The following NT5M variants were observed in gnomAD, a reference collection of about 807,000 sequenced individuals.
The protein encoded by NT5M is 5',3'-nucleotidase, mitochondrial, also known as 5'(3')-deoxyribonucleotidase, mitochondrial.
In NT5M, 22 loss-of-function variants were observed where a neutral mutation model predicts 22.2. The observed-to-expected ratio is 0.99, with a 90% CI of 0.71 to 1.41. NT5M has a LOEUF of 1.41. Ranked by LOEUF, NT5M falls within the 40% of genes most tolerant of loss-of-function variation. The pLI is 0.00. For missense variants in NT5M, 322 were observed against 314.8 expected, an observed-to-expected ratio of 1.02 and a Z score of -0.17; for synonymous variants, 167 against 133.0, an observed-to-expected ratio of 1.26 and a Z score of -1.76.
At chr17:17,309,127 CTTTT>C (rs35861887) in intron 2 of NT5M, among the ~76,000 whole-genome samples, 1 of 140,444 alleles carries the variant, frequency 7.1e-6, no homozygotes, top group Non-Finnish European at 1.5e-5. Context: ...TTCTTTCTTT[CTTTT>C]TTTTTTTTTT....
intron 3 of NT5M, among the ~76,000 whole-genome samples, chr17:17,325,414 G>A (rs963631944): frequency 1.3e-5 from 2 of 152,090 alleles, no homozygotes; most frequent in Non-Finnish European, 2.9e-5. Context: ...GAAATCAGGG[G>A]CCGTGCTGAT....
intron 3 of NT5M, among the ~76,000 whole-genome samples, chr17:17,339,032 T>C (rs150353068): frequency 0.035 from 5,386 of 152,264 alleles, 124 homozygotes; most frequent in Middle Eastern, 0.061. Flanking sequence ...TGGCCTGTCA[T>C]TGGTATTTTA....
chr17:17,324,958 G>A (rs1228939489), intron 3 of NT5M, among the ~76,000 whole-genome samples: 1 of 152,222 alleles, frequency 6.6e-6, no homozygotes, highest in African/African-American at 2.4e-5. Flanking sequence ...CAGGCCCACT[G>A]TTTCAGGTCG....
At chr17:17,316,694 TTTTG>T (rs2049035768) in intron 2 of NT5M, among the ~76,000 whole-genome samples, 2 of 25,822 alleles carry the variant, frequency 7.7e-5, no homozygotes, top group South Asian at 2.3e-3. Context: ...GGGTTTTGTT[TTTTG>T]TTTTGTTTTG....
intron 3 of NT5M, among the ~76,000 whole-genome samples, chr17:17,328,944 C>T (rs535988279): frequency 1.1e-4 from 17 of 152,138 alleles, no homozygotes; most frequent in African/African-American, 3.9e-4. Context: ...ATCCATTTAG[C>T]CTTCATAGTA....
chr17:17,303,393 G>C lies in NT5M; in HGVS notation c.-158G>C, dbSNP rs560387395. Reference sequence around the variant, plus strand: ...GCCTCGCTCTGGGGCCGGTACTTGCGCGCCCGCACCCCGCGCTCCCCGCCC... The same window carrying C: ...GCCTCGCTCTGGGGCCGGTACTTGCCCGCCCGCACCCCGCGCTCCCCGCCC... On this transcript the variant is annotated 5_prime_UTR_variant, in exon 1 of 5. Transcript: ENST00000389022. The C allele has an allele frequency of 1.2e-5, 11 of 895,150 alleles. No homozygotes were observed. The African/African-American group carries it at 2.0e-4, about 16-fold the overall frequency. 55.5% of individuals were successfully genotyped at this position (895,150 alleles called of 1,614,324 possible). A position where few individuals can be genotyped will look rare whatever the true frequency, so the allele number is the denominator to read the frequency against.
chr17:17,346,920 C>T lies in NT5M; in HGVS notation c.660C>T (p.Ala220=), dbSNP rs2049773759. 6.2e-7 allele frequency: 1 copy of T among 1,611,478 alleles called. No homozygotes were observed. Among genetic ancestry groups the T allele is most frequent in the African/African-American group, 1.3e-5 (1 of 75,060 alleles). The change falls in exon 5 of 5, where the codon GCC becomes GCT. Residue 220 remains alanine, a synonymous_variant. Coordinates refer to ENST00000389022, the MANE Select transcript of NT5M (RefSeq NM_020201.4). ...RLHSWADDWK[A]ILDSKRPC ...ACTCGTGGGCGGACGACTGGAAGGC[C>T]ATTCTGGACAGCAAGCGGCCCTGCT... is the stretch of plus-strand genomic sequence containing the variant.
At chr17:17,309,857 C>G (rs2048888870) in intron 2 of NT5M, among the ~76,000 whole-genome samples, 1 of 148,856 alleles carries the variant, frequency 6.7e-6, no homozygotes, top group Non-Finnish European at 1.5e-5. Context: ...CGGAGTCTCA[C>G]TCTTTTGCCC....
intron 2 of NT5M, among the ~76,000 whole-genome samples, chr17:17,321,123 T>G (rs2049142996): frequency 6.6e-6 from 1 of 151,288 alleles, no homozygotes; most frequent in African/African-American, 2.4e-5. Context: ...CAGCACACGT[T>G]TGAATGAGGA....
At chr17:17,341,893 T>C (rs1436037562) in intron 3 of NT5M, among the ~76,000 whole-genome samples, 3 of 152,054 alleles carry the variant, frequency 2.0e-5, no homozygotes, top group African/African-American at 7.2e-5. Flanking sequence ...TAGCCAGGCA[T>C]GGTGGCAGGC....
chr17:17,317,137 C>T (rs1303810012), intron 2 of NT5M, among the ~76,000 whole-genome samples: 3 of 151,086 alleles, frequency 2.0e-5, no homozygotes, highest in South Asian at 2.1e-4. Context: ...GCAAGCTCTG[C>T]CTCCTGGGTT....
Position 17,317,494 on chromosome 17 carries a change from G to A in NT5M, c.369-5691G>A, listed in dbSNP as rs368245238. 2.0e-5 allele frequency among the ~76,000 whole-genome samples: 3 copies of A among 152,208 alleles called. No individual in the cohort carries two copies. The East Asian group carries it at 5.8e-4, about 29-fold the overall frequency. ...TCAAAACCACAAGGAGGAGCTGGGTGAGTGGCGCTCACCTGTGCTCCCAGC... is the reference window on the plus strand; with the variant it reads ...TCAAAACCACAAGGAGGAGCTGGGTAAGTGGCGCTCACCTGTGCTCCCAGC... On this transcript the variant is annotated intron_variant, in intron 2 of 4. Coordinates refer to ENST00000389022, the MANE Select transcript of NT5M (RefSeq NM_020201.4).
chr17:17,313,005 C>G (rs1336065164), intron 2 of NT5M, among the ~76,000 whole-genome samples: 1 of 152,088 alleles, frequency 6.6e-6, no homozygotes, highest in Admixed American at 6.5e-5. Flanking sequence ...GGTGCTGGCT[C>G]ACACCTGTAA....
In NT5M at chr17:17,347,348, C is replaced by A. The variant is rs2049781990; in HGVS notation, c.*401C>A. On this transcript the variant is annotated 3_prime_UTR_variant, in exon 5 of 5. Transcript: ENST00000389022. ...AGTCTGCAGCCATCAGCAAGGAGGA[C>A]CAGGAACCCGGCGACTGAGGTGCTT... is the stretch of plus-strand genomic sequence containing the variant. The A allele has an allele frequency of 1.1e-5, 2 of 187,014 alleles. No individual in the cohort carries two copies. Among genetic ancestry groups the A allele is most frequent in the East Asian group, 3.3e-4 (2 of 6,118 alleles). The allele number at this position is 187,014 out of a possible 1,614,324, so 11.6% of individuals were successfully genotyped here. A position where few individuals can be genotyped will look rare whatever the true frequency, so the allele number is the denominator to read the frequency against.
In NT5M at chr17:17,340,855, T is replaced by C. The variant is rs142228529; in HGVS notation, c.430-3939T>C. ...TGTTTTTCTGTTTCTTTAGGATGCA[T>C]CATTAAGTTGTTTACTTGAAGTTTT... On this transcript the variant is annotated intron_variant, in intron 3 of 4. Transcript: ENST00000389022. 7.5e-3 allele frequency among the ~76,000 whole-genome samples: 1,147 copies of C among 152,264 alleles called. 11 individuals carry two copies. Among genetic ancestry groups the C allele is most frequent in the African/African-American group, 0.026 (1,063 of 41,572 alleles).
intron 2 of NT5M, among the ~76,000 whole-genome samples, chr17:17,315,168 C>T (rs1297250967): frequency 6.6e-6 from 1 of 152,146 alleles, no homozygotes; most frequent in African/African-American, 2.4e-5. Flanking sequence ...GAGGAAACCA[C>T]TCATTTAGAA....
rs1017700630 is a variant in NT5M, at chr17:17,346,878, C to T, written c.618C>T (p.Pro206=). ...ACHNQHLQLQ[P]PRRRLHSWAD... ...ACAACCAGCACCTGCAGCTGCAGCC[C>T]CCCCGCCGCAGGCTGCACTCGTGGG... Residue 206 remains proline, a synonymous_variant, in exon 5 of 5, where the codon CCC becomes CCT. Transcript: ENST00000389022. The T allele has an allele frequency of 6.2e-7, 1 of 1,609,548 alleles. No individual in the cohort carries two copies. The highest frequency in any genetic ancestry group is 1.1e-5 in the South Asian group (1 of 91,072).
At chr17:17,341,798 C>T (rs1055644693) in intron 3 of NT5M, among the ~76,000 whole-genome samples, 5 of 152,112 alleles carry the variant, frequency 3.3e-5, no homozygotes, top group East Asian at 1.9e-4. Flanking sequence ...TGGGAGGCCA[C>T]GGTGGGCGGA....
At chr17:17,330,747 T>TC (rs1483924148) in intron 3 of NT5M, among the ~76,000 whole-genome samples, 2 of 147,780 alleles carry the variant, frequency 1.4e-5, no homozygotes, top group Non-Finnish European at 3.0e-5. Context: ...TCTTTCTTTT[T>TC]TTTTTTTTTT....
Sources: allele counts gnomAD v4.1 joint callset (sites outside exome capture counted in the v4.1 genomes callset), GRCh38; gene constraint gnomAD v4.1.1; transcripts MANE v1.5; gene names NCBI Gene and HGNC (gene_info 2026-07-23, HGNC 2026-07-21).